CCDC138: variants seen among roughly 807,000 people sequenced by gnomAD.
CCDC138 encodes the protein coiled-coil domain containing 138, also known as coiled-coil domain-containing protein 138.
Under a neutral mutation model 82.3 loss-of-function variants are expected in CCDC138, and 66 were observed. The observed-to-expected ratio is 0.80, with a 90% confidence interval of 0.66 to 0.98. The LOEUF is 0.98. CCDC138 is among the 50% of genes least tolerant of loss of function. The pLI, the probability that CCDC138 is intolerant of heterozygous loss-of-function variation, is 0.00. For missense variants in CCDC138, 816 were observed against 758.9 expected, an observed-to-expected ratio of 1.08 and a Z score of -0.88; for synonymous variants, 297 against 265.4, an observed-to-expected ratio of 1.12 and a Z score of -1.16.
chr2:108,861,472 C>CTTTTTTTTTTT lies in CCDC138; in HGVS notation c.1693+4518_1693+4528dup, dbSNP rs201132350. 5.5e-4 allele frequency among the ~76,000 whole-genome samples: 68 copies of CTTTTTTTTTTT among 123,490 alleles called. 8 individuals are homozygous for CTTTTTTTTTTT. The highest frequency in any genetic ancestry group is 1.9e-3 in the South Asian group (7 of 3,650). The allele number at this position is 123,490 out of a possible 152,430, so 81.0% of individuals were successfully genotyped here. On this transcript the variant is annotated intron_variant, in intron 13 of 14. Coordinates refer to ENST00000295124, the MANE Select transcript of CCDC138 (RefSeq NM_144978.3). Reference sequence around the variant, plus strand: ...ACATTTAGCACTATAAACTTTCTTCCTTTTTTTTTTTTTTTTTTTTTTTTT... The same window carrying CTTTTTTTTTTT: ...ACATTTAGCACTATAAACTTTCTTCCTTTTTTTTTTTTTTTTTTTTTTTTTTTTTTTTTTTT...
At chr2:108,827,068 A>G (rs1043327937) in intron 10 of CCDC138, among the ~76,000 whole-genome samples, 1 of 152,040 alleles carries the variant, frequency 6.6e-6, no homozygotes, top group Admixed American at 6.6e-5. Flanking sequence ...TGGTTACACA[A>G]TTAAAGGCAA....
Position 108,791,779 on chromosome 2 carries a change from A to C in CCDC138, c.371A>C (p.Gln124Pro), listed in dbSNP as rs1327058487. The change falls in exon 4 of 15, where the codon CAG becomes CCG. Residue 124 changes from glutamine (Q) to proline (P), a missense_variant. Gln to Pro is a moderately conservative substitution (Grantham distance 76). Coordinates refer to ENST00000295124, the MANE Select transcript of CCDC138 (RefSeq NM_144978.3). ...GTTAGTACCTCGAAAATAACCAAGCAGTCTTTTAAAGAAATAGAAAAAGGT... is the reference window on the plus strand; with the variant it reads ...GTTAGTACCTCGAAAATAACCAAGCCGTCTTTTAAAGAAATAGAAAAAGGT... Reference protein sequence around the residue: ...YRVSTSKITKQSFKEIEKVAL... With the variant: ...YRVSTSKITKPSFKEIEKVAL... 1.9e-6 allele frequency: 3 copies of C among 1,591,140 alleles called. No homozygotes were observed. In the South Asian group the frequency reaches 3.4e-5, roughly 18 times the overall value.
intron 14 of CCDC138, among the ~76,000 whole-genome samples, chr2:108,874,091 GT>G (rs1454410413): frequency 6.6e-6 from 1 of 152,132 alleles, no homozygotes; most frequent in Non-Finnish European, 1.5e-5. Context: ...AGTAAGAGCA[GT>G]TTTTAGCAAC....
rs1305982914 is a variant in CCDC138 at position 108,856,853 on chromosome 2, A to G, written c.1576A>G (p.Lys526Glu). 1 of 1,613,528 alleles carries G rather than the reference A, an allele frequency of 6.2e-7. No homozygotes were observed. Among genetic ancestry groups the G allele is most frequent in the African/African-American group, 1.3e-5 (1 of 74,890 alleles). Reference sequence around the variant, plus strand: ...TTTGGACTTGAAGACAGAAGAAGGAAAAACCTTGTTTTTGGAGTATCAGGC... The same window carrying G: ...TTTGGACTTGAAGACAGAAGAAGGAGAAACCTTGTTTTTGGAGTATCAGGC... ...LCLDLKTEEG[K>E]TLFLEYQAVP... is the part of the protein sequence containing the mutation. Residue 526 changes from lysine (K) to glutamate (E), a missense_variant, in exon 13 of 15, where the codon AAA becomes GAA. By Grantham distance (56) the Lys-to-Glu change is moderately conservative (BLOSUM62 1). Transcript: ENST00000295124.
chr2:108,813,983 A>G (rs1684329376), intron 9 of CCDC138, among the ~76,000 whole-genome samples: 1 of 152,140 alleles, frequency 6.6e-6, no homozygotes, highest in Non-Finnish European at 1.5e-5. Flanking sequence ...TTGTTCCTTC[A>G]TTCTTCTGTT....
Position 108,797,136 on chromosome 2 carries a change from A to G in CCDC138, c.577-1292A>G, listed in dbSNP as rs544843432. 4.1e-4 allele frequency among the ~76,000 whole-genome samples: 63 copies of G among 152,312 alleles called. No homozygotes were observed. In the South Asian group the frequency reaches 0.011, roughly 28 times the overall value. ...TAGCATATACTTGGTAATTTTAGCC[A>G]TTGAGTGGATATAATTAAGCAGAAA... On this transcript the variant is annotated intron_variant, in intron 5 of 14. Coordinates refer to ENST00000295124, the MANE Select transcript of CCDC138 (RefSeq NM_144978.3).
chr2:108,836,304 A>G (rs1688573807), intron 10 of CCDC138, among the ~76,000 whole-genome samples: 1 of 152,168 alleles, frequency 6.6e-6, no homozygotes, highest in Non-Finnish European at 1.5e-5. Flanking sequence ...TAATATCCAT[A>G]AGGTTCGTCC....
intron 10 of CCDC138, among the ~76,000 whole-genome samples, chr2:108,823,960 G>T (rs1686140683): frequency 6.6e-6 from 1 of 151,564 alleles, no homozygotes; most frequent in African/African-American, 2.4e-5. Flanking sequence ...CTGGGCCACA[G>T]AGTGAGACTG....
At position 108,796,427 on chromosome 2, in the gene CCDC138, G is replaced by T. The variant is rs867424252; in HGVS notation, c.576+1706G>T. Among the ~76,000 whole-genome samples, 12 of 152,082 alleles carry T rather than the reference G, an allele frequency of 7.9e-5. No homozygotes were observed. In the South Asian group the frequency reaches 2.5e-3, roughly 31 times the overall value. ...AGCCACTGTGGAAAACACTTTGGAG[G>T]TTCCTTAAACTATAAGTAGAACTAC... On this transcript the variant is annotated intron_variant, in intron 5 of 14. Transcript: ENST00000295124.
At chr2:108,794,366 C>T (rs1268788600) in intron 4 of CCDC138, 174 bp from the exon 5 acceptor site, 1 of 186,552 alleles carries the variant, frequency 5.4e-6, no homozygotes, top group African/African-American at 2.4e-5. Context: ...ATACCCTTCA[C>T]CCAAATTTTC....
chr2:108,834,363 C>A (rs1688241398), intron 10 of CCDC138, among the ~76,000 whole-genome samples: 1 of 151,992 alleles, frequency 6.6e-6, no homozygotes. Context: ...CAGGTGCCCA[C>A]CACTCCCAGC....
chr2:108,793,599 G>GT (rs1321646254), intron 4 of CCDC138, among the ~76,000 whole-genome samples: 1 of 150,502 alleles, frequency 6.6e-6, no homozygotes, highest in Non-Finnish European at 1.5e-5. Context: ...TTTTTGTTTT[G>GT]TTTTGTTTTT....
At chr2:108,872,911 A>G (rs1184859618) in intron 13 of CCDC138, among the ~76,000 whole-genome samples, 1 of 152,178 alleles carries the variant, frequency 6.6e-6, no homozygotes, top group Non-Finnish European at 1.5e-5. Context: ...GCTTCAACAT[A>G]AAAGTCCAGA....
chr2:108,798,809 CCACACCTACACACACACACACA>C (rs1681368140), intron 6 of CCDC138, among the ~76,000 whole-genome samples: 1 of 104,474 alleles, frequency 9.6e-6, no homozygotes, highest in Non-Finnish European at 1.9e-5. Context: ...CTCCTCCTCT[CCACACCTACACACACACACACA>C]CACACACACA....
At chr2:108,857,062 ATTGCTTT>A in intron 13 of CCDC138, 92 bp downstream of exon 13, 1 of 110,722 alleles carries the variant, frequency 9.0e-6, no homozygotes, top group Non-Finnish European at 1.6e-5. Flanking sequence ...ATCAGATACT[ATTGCTTT>A]TTTTTTTTTT....
intron 6 of CCDC138, among the ~76,000 whole-genome samples, chr2:108,798,811 A>G (rs1251993679): frequency 1.1e-5 from 1 of 87,358 alleles, no homozygotes; most frequent in African/African-American, 5.3e-5. Context: ...CCTCCTCTCC[A>G]CACCTACACA....
intron 10 of CCDC138, among the ~76,000 whole-genome samples, chr2:108,829,475 G>A (rs1400367525): frequency 6.6e-6 from 1 of 152,210 alleles, no homozygotes; most frequent in African/African-American, 2.4e-5. Flanking sequence ...AATAAACATG[G>A]TGGCCCATGC....
chr2:108,846,853 C>G lies in CCDC138; in HGVS notation c.1439C>G (p.Thr480Arg). The G allele has an allele frequency of 1.2e-6, 2 of 1,613,580 alleles. No homozygotes were observed. Among genetic ancestry groups the G allele is most frequent in the Non-Finnish European group, 1.7e-6 (2 of 1,179,636 alleles). ...PQHSVENKPKTAAFFKSSNLP... is the reference protein window; with the variant it reads ...PQHSVENKPKRAAFFKSSNLP... ...CATTCTGTGGAGAATAAACCAAAGA[C>G]AGCTGCTTTCTTTAAGAGCTCCAAT... The change falls in exon 12 of 15, where the codon ACA (threonine) becomes AGA (arginine). Residue 480 changes from threonine to arginine, a missense_variant. Coordinates refer to ENST00000295124, the MANE Select transcript of CCDC138 (RefSeq NM_144978.3).
Position 108,830,819 on chromosome 2 carries a change from C to A in CCDC138, c.1207-8366C>A, listed in dbSNP as rs1266244331. ...GCAAAACTCCGTCTCAAATAAAAAA[C>A]AAAAAAAAAAACCAAAGCTTGGGAA... is the stretch of plus-strand genomic sequence containing the variant. On this transcript the variant is annotated intron_variant, in intron 10 of 14. Coordinates refer to ENST00000295124, the MANE Select transcript of CCDC138 (RefSeq NM_144978.3). 2.1e-3 allele frequency among the ~76,000 whole-genome samples: 285 copies of A among 138,488 alleles called. 2 individuals are homozygous for A. The highest frequency in any genetic ancestry group is 7.0e-3 in the African/African-American group (265 of 38,020). The allele number at this position is 138,488 out of a possible 152,430, so 90.9% of individuals were successfully genotyped here.
Sources: gnomAD v4.1 joint callset for allele counts (sites outside exome capture counted in the v4.1 genomes callset) on GRCh38, gnomAD v4.1.1 for gene constraint, MANE v1.5 for transcripts, NCBI Gene and HGNC (gene_info 2026-07-23, HGNC 2026-07-21) for gene names.